Variants in NPAS2 observed in about 807,000 individuals in gnomAD.
The protein encoded by NPAS2 is neuronal PAS domain protein 2, also known as neuronal PAS domain-containing protein 2.
In NPAS2, 23 loss-of-function variants were observed where a neutral mutation model predicts 107.5. The ratio of observed to expected loss-of-function variants is 0.21; its 90% CI spans 0.15 to 0.30. The LOEUF (loss-of-function observed/expected upper bound fraction) is 0.30, where lower values mean the gene tolerates loss of function less well. NPAS2 is among the 10% of genes least tolerant of loss of function. The pLI, the probability that NPAS2 is intolerant of heterozygous loss-of-function variation, is 1.00. For missense variants in NPAS2, 756 were observed against 1,043.3 expected (o/e 0.72, Z 3.79); for synonymous variants, 403 against 417.5 (o/e 0.97, Z 0.42).
chr2:100,889,996 A>G (rs1239719298), intron 1 of NPAS2, among the ~76,000 whole-genome samples: 2 of 151,956 alleles, frequency 1.3e-5, no homozygotes, highest in Non-Finnish European at 2.9e-5. Context: ...AACTAGAAGG[A>G]TTGAGGTTTT....
Position 100,968,537 on chromosome 2 carries a change from T to A in NPAS2, c.1055+109T>A. The A allele has an allele frequency of 9.3e-7, 1 of 1,070,494 alleles. No individual in the cohort carries two copies. Among genetic ancestry groups the A allele is most frequent in the Non-Finnish European group, 1.3e-6 (1 of 743,256 alleles). 66.3% of individuals were successfully genotyped at this position (1,070,494 alleles called of 1,614,324 possible). A position where few individuals can be genotyped will look rare whatever the true frequency, so the allele number is the denominator to read the frequency against. On this transcript the variant is annotated intron_variant, in intron 11 of 20. Transcript: ENST00000335681. The surrounding 1 kb of genome is among the most constrained non-coding windows in gnomAD (Gnocchi z 5.3). ...GTCAGATCAGCAGTCACTCAGGTGT[T>A]CCCCATTTCGAAGATGAAGCCCAGG...
intron 1 of NPAS2, among the ~76,000 whole-genome samples, chr2:100,844,248 C>A (rs1296552099): frequency 6.6e-6 from 1 of 152,130 alleles, no homozygotes; most frequent in East Asian, 1.9e-4. Flanking sequence ...AGGGGGACTC[C>A]ATGGGGTCAA....
chr2:100,879,485 C>T (rs1680198736), intron 1 of NPAS2, among the ~76,000 whole-genome samples: 3 of 152,200 alleles, frequency 2.0e-5, no homozygotes, highest in Admixed American at 2.0e-4. Context: ...TCTACTTCCT[C>T]CTTTTCTCTC....
Position 100,873,337 on chromosome 2 carries a change from CACACAT to C in NPAS2, c.-22-31394_-22-31389del, listed in dbSNP as rs1228766539. On this transcript the variant is annotated intron_variant, in intron 1 of 20. Coordinates refer to ENST00000335681, the MANE Select transcript of NPAS2 (RefSeq NM_002518.4). ...ACACACACACACACACACACACACA[CACACAT>C]ATATACATACACACATATGTGTATA... Among the ~76,000 whole-genome samples the C allele has an allele frequency of 4.3e-4, 54 of 125,346 alleles. 1 individual carries two copies. Among genetic ancestry groups the C allele is most frequent in the Admixed American group, 1.5e-3 (18 of 12,280 alleles). The allele number at this position is 125,346 out of a possible 152,430, so 82.2% of individuals were successfully genotyped here.
chr2:100,980,941 G>T (rs1314625269), intron 15 of NPAS2, among the ~76,000 whole-genome samples: 2 of 151,860 alleles, frequency 1.3e-5, no homozygotes. Flanking sequence ...CCATCTCGCT[G>T]TGTGATTTCC....
At chr2:100,950,286 A>G (rs1014629075) in intron 7 of NPAS2, among the ~76,000 whole-genome samples, 2 of 152,052 alleles carry the variant, frequency 1.3e-5, no homozygotes, top group Admixed American at 6.6e-5. Flanking sequence ...GCAAAGATGG[A>G]AAAAAAATAA....
intron 3 of NPAS2, among the ~76,000 whole-genome samples, chr2:100,927,017 C>A (rs1160918554): frequency 6.7e-6 from 1 of 148,544 alleles, no homozygotes; most frequent in Non-Finnish European, 1.5e-5. Flanking sequence ...AGGCTCACTG[C>A]AAGCTCCGCC....
chr2:100,913,662 T>C (rs1300687255), intron 2 of NPAS2, among the ~76,000 whole-genome samples: 1 of 152,170 alleles, frequency 6.6e-6, no homozygotes, highest in Non-Finnish European at 1.5e-5. Flanking sequence ...TTTACTGCCT[T>C]TTATCCTCAT....
At chr2:100,928,540 G>A (rs146488812) in intron 3 of NPAS2, among the ~76,000 whole-genome samples, 396 of 152,124 alleles carry the variant, frequency 2.6e-3, no homozygotes, top group Admixed American at 6.8e-3. Flanking sequence ...TCCAAATACC[G>A]GGAGAGCCTG....
chr2:100,944,409 C>A (rs769217364), intron 5 of NPAS2, among the ~76,000 whole-genome samples: 2 of 152,118 alleles, frequency 1.3e-5, no homozygotes, highest in Non-Finnish European at 2.9e-5. Context: ...TGGTTCAAGG[C>A]CCGTCAGGCA....
intron 1 of NPAS2, among the ~76,000 whole-genome samples, chr2:100,856,857 G>A (rs1378505971): frequency 3.3e-5 from 5 of 152,240 alleles, no homozygotes; most frequent in Non-Finnish European, 7.3e-5. Flanking sequence ...GATGAGCTAT[G>A]AGTCATTTAA....
chr2:100,937,087 C>T (rs1368312196), intron 4 of NPAS2, among the ~76,000 whole-genome samples: 2 of 151,958 alleles, frequency 1.3e-5, no homozygotes, highest in African/African-American at 2.4e-5. Flanking sequence ...GTGTGCCCAG[C>T]ATAGAGTAGG....
intron 5 of NPAS2, among the ~76,000 whole-genome samples, chr2:100,946,814 A>G (rs1052029896): frequency 4.6e-5 from 7 of 151,998 alleles, no homozygotes; most frequent in African/African-American, 1.7e-4. Flanking sequence ...TGGAGCAGAG[A>G]ATTTGAGGGA....
At chr2:100,926,934 T>A (rs1280764655) in intron 3 of NPAS2, among the ~76,000 whole-genome samples, 2 of 145,622 alleles carry the variant, frequency 1.4e-5, no homozygotes, top group African/African-American at 2.6e-5. Flanking sequence ...TTTTTCTTTT[T>A]TTCTTTCTTT....
chr2:100,869,778 T>C (rs1317910403), intron 1 of NPAS2, among the ~76,000 whole-genome samples: 1 of 152,148 alleles, frequency 6.6e-6, no homozygotes, highest in East Asian at 1.9e-4. Flanking sequence ...CCTCCTGCCT[T>C]ATCCACACAA....
intron 1 of NPAS2, among the ~76,000 whole-genome samples, chr2:100,824,310 C>A (rs189843181): frequency 6.6e-6 from 1 of 152,238 alleles, no homozygotes; most frequent in African/African-American, 2.4e-5. Flanking sequence ...GCATGCTTAT[C>A]TCCACCCTCT....
chr2:100,943,427 T>C (rs55995639), intron 5 of NPAS2, among the ~76,000 whole-genome samples: 6,070 of 152,330 alleles, frequency 0.04, 400 homozygotes, highest in African/African-American at 0.14. Context: ...TTCCGCGATC[T>C]GGACACAAGT....
At chr2:100,926,294 C>T (rs937889172) in intron 3 of NPAS2, among the ~76,000 whole-genome samples, 1 of 151,922 alleles carries the variant, frequency 6.6e-6, no homozygotes, top group African/African-American at 2.4e-5. Context: ...GTTTGTATTC[C>T]TAGGAGGGGA....
chr2:100,926,603 A>C (rs1286277315), intron 3 of NPAS2, among the ~76,000 whole-genome samples: 2 of 152,012 alleles, frequency 1.3e-5, no homozygotes, highest in African/African-American at 4.8e-5. Context: ...CTTTGGAGAG[A>C]TGTCCAAATC....
Sources: gnomAD v4.1 joint callset for allele counts (sites outside exome capture counted in the v4.1 genomes callset) on GRCh38, gnomAD v4.1.1 for gene constraint, Gnocchi (gnomAD v3.1) non-coding constraint, MANE v1.5 for transcripts, NCBI Gene and HGNC (gene_info 2026-07-23, HGNC 2026-07-21) for gene names.